HMCN1: variants seen among roughly 807,000 people sequenced by gnomAD.
The protein encoded by HMCN1 is hemicentin-1.
In HMCN1, 321 loss-of-function variants were observed where a neutral mutation model predicts 625.9. The ratio of observed to expected loss-of-function variants is 0.51; its 90% CI spans 0.47 to 0.56. The LOEUF (loss-of-function observed/expected upper bound fraction) is 0.56. HMCN1 is among the 20% of genes least tolerant of loss of function. The probability of loss-of-function intolerance (pLI) is 0.00; values close to 1 mark genes in which losing one functional copy is unlikely to be tolerated. For missense variants in HMCN1, 6,588 were observed against 6,887.3 expected, an observed-to-expected ratio of 0.96 and a Z score of 1.54; for synonymous variants, 2,425 against 2,417.6, an observed-to-expected ratio of 1.00 and a Z score of -0.09.
rs1230644774 is a variant in HMCN1, at chr1:186,055,448, A to G, written c.6918A>G (p.Arg2306=). The G allele has an allele frequency of 1.9e-6, 3 of 1,612,718 alleles. No individual in the cohort carries two copies. Among genetic ancestry groups the G allele is most frequent in the East Asian group, 2.2e-5 (1 of 44,798 alleles). The change falls in exon 45 of 107, where the codon CGA becomes CGG. Residue 2306 remains arginine, a synonymous_variant. Coordinates refer to ENST00000271588, the MANE Select transcript of HMCN1 (RefSeq NM_031935.3). ...GSHPTEIIVT[R]GKSISLECEV... is the part of the protein sequence containing the mutation. ...ACCCTACTGAAATTATTGTGACCCG[A>G]GGGAAGAGTATCTCCTTGGAGTGTG... is the stretch of plus-strand genomic sequence containing the variant.
At chr1:186,061,259 A>G (rs1475770920) in intron 46 of HMCN1, among the ~76,000 whole-genome samples, 1 of 152,172 alleles carries the variant, frequency 6.6e-6, no homozygotes, top group Non-Finnish European at 1.5e-5. Flanking sequence ...GAAACTTAAA[A>G]TTATGGCAGA....
chr1:185,925,235 T>C (rs768099085), intron 9 of HMCN1, 44 bp downstream of exon 9: 2 of 1,555,904 alleles, frequency 1.3e-6, no homozygotes, highest in Non-Finnish European at 1.8e-6. Context: ...GCATTTAACA[T>C]GTAAATATAA....
intron 1 of HMCN1, among the ~76,000 whole-genome samples, chr1:185,803,735 A>G (rs1571375808): frequency 1.3e-5 from 2 of 152,140 alleles, no homozygotes; most frequent in East Asian, 3.9e-4. Flanking sequence ...TTTCTTTTTG[A>G]TTTCTGTTAA....
At position 186,093,501 on chromosome 1, in the gene HMCN1, G is replaced by A. The variant is rs1300928126; in HGVS notation, c.10028G>A (p.Arg3343Lys). The change falls in exon 66 of 107, where the codon AGG becomes AAG. Residue 3343 changes from arginine to lysine, a missense_variant. Around this residue, in one of 3 missense-constraint regions of HMCN1, gnomAD observed 4,628 missense variants for 4,853.1 expected, o/e 0.95. Transcript: ENST00000271588. ...NLNVYVTPTIRGNKDEAEKLM... is the reference protein window; with the variant it reads ...NLNVYVTPTIKGNKDEAEKLM... ...CACAACATAGTTACACCTACAATTA[G>A]GGGTAATAAAGATGAAGCAGAGAAA... is the stretch of plus-strand genomic sequence containing the variant. The A allele has an allele frequency of 3.1e-6, 5 of 1,613,254 alleles. No homozygotes were observed. The highest frequency in any genetic ancestry group is 4.2e-6 in the Non-Finnish European group (5 of 1,179,502).
At chr1:185,757,332 C>T (rs1655197184) in intron 1 of HMCN1, among the ~76,000 whole-genome samples, 3 of 152,144 alleles carry the variant, frequency 2.0e-5, no homozygotes, top group Admixed American at 1.3e-4. Flanking sequence ...GTGATCTGGC[C>T]CGATCGCCTC....
At chr1:186,164,226 C>A (rs1651719983) in intron 97 of HMCN1, among the ~76,000 whole-genome samples, 1 of 148,884 alleles carries the variant, frequency 6.7e-6, no homozygotes, top group Non-Finnish European at 1.5e-5. Context: ...TTGTTTCTGA[C>A]ATCTAACTTA....
intron 81 of HMCN1, 103 bp downstream of exon 81, chr1:186,123,323 A>C (rs1661487360): frequency 4.9e-5 from 66 of 1,335,770 alleles, no homozygotes; most frequent in Non-Finnish European, 6.3e-5. Context: ...CCTTAAACTC[A>C]GTAATCCAAA....
At chr1:186,147,432 G>T (rs1397769347) in intron 93 of HMCN1, among the ~76,000 whole-genome samples, 4 of 144,138 alleles carry the variant, frequency 2.8e-5, no homozygotes, top group African/African-American at 2.6e-5. Context: ...TTTAATTCGT[G>T]GCAAACAAAT....
chr1:186,136,864 T>TA lies in HMCN1; in HGVS notation c.13510dup (p.Thr4504AsnfsTer3). Reference sequence around the variant, plus strand: ...ATATTGCTGATGCTCAGAAAGAAGATACCTCTGAATTTGAATGTGTTGCTC... The same window carrying TA: ...ATATTGCTGATGCTCAGAAAGAAGATAACCTCTGAATTTGAATGTGTTGCTC... On this transcript the variant is annotated frameshift_variant, in exon 87 of 107. Coordinates refer to ENST00000271588, the MANE Select transcript of HMCN1 (RefSeq NM_031935.3). LOFTEE classifies it high-confidence loss of function. 6.2e-7 allele frequency: 1 copy of TA among 1,614,060 alleles called. No individual in the cohort carries two copies. The highest frequency in any genetic ancestry group is 1.1e-5 in the South Asian group (1 of 91,084).
chr1:186,152,524 C>T (rs1043399041), intron 95 of HMCN1, among the ~76,000 whole-genome samples: 2 of 152,176 alleles, frequency 1.3e-5, no homozygotes, highest in African/African-American at 4.8e-5. Flanking sequence ...TTCGTGTAAC[C>T]GTTTGCCACA....
At chr1:185,917,730 T>C (rs1571556322) in intron 6 of HMCN1, among the ~76,000 whole-genome samples, 1 of 152,222 alleles carries the variant, frequency 6.6e-6, no homozygotes, top group South Asian at 2.1e-4. Context: ...GGACTTTCAA[T>C]GTAGGCAGGC....
chr1:185,872,537 C>T (rs1663684105), intron 4 of HMCN1, among the ~76,000 whole-genome samples: 1 of 152,044 alleles, frequency 6.6e-6, no homozygotes, highest in African/African-American at 2.4e-5. Flanking sequence ...TAATATTTCT[C>T]ACAAATGTTG....
chr1:186,064,871 AAATG>A (rs1467256798), intron 48 of HMCN1, among the ~76,000 whole-genome samples: 1 of 151,954 alleles, frequency 6.6e-6, no homozygotes, highest in African/African-American at 2.4e-5. Context: ...GTTTTAATAA[AAATG>A]AATGCTGCAT....
At chr1:186,162,807 G>A (rs561621274) in intron 97 of HMCN1, among the ~76,000 whole-genome samples, 4 of 152,160 alleles carry the variant, frequency 2.6e-5, no homozygotes, top group African/African-American at 7.2e-5. Context: ...GCCCTGTGAG[G>A]TGTCAGTCTG....
rs541415926 is a variant in HMCN1, at chr1:186,163,398, C to T, written c.15257-1713C>T. Among the ~76,000 whole-genome samples, 76 of 152,196 alleles carry T rather than the reference C, an allele frequency of 5.0e-4. 1 individual carries two copies. The highest frequency in any genetic ancestry group is 8.5e-4 in the Non-Finnish European group (58 of 67,992). ...GCCTCACCCTGCTTCGGCTCACGCA[C>T]GGTGCGCTGCACCCACTGACCTGCA... On this transcript the variant is annotated intron_variant, in intron 97 of 106. Coordinates refer to ENST00000271588, the MANE Select transcript of HMCN1 (RefSeq NM_031935.3).
chr1:185,787,878 A>G (rs974780806), intron 1 of HMCN1, among the ~76,000 whole-genome samples: 21 of 152,198 alleles, frequency 1.4e-4, no homozygotes, highest in African/African-American at 5.1e-4. Context: ...AGATAACTTA[A>G]TAAAGGTCAA....
intron 78 of HMCN1, 152 bp downstream of exon 78, chr1:186,119,450 T>C: frequency 2.7e-6 from 2 of 732,654 alleles, no homozygotes; most frequent in Non-Finnish European, 4.8e-6. Flanking sequence ...TTTAATAGGC[T>C]AAAAAAGGCA....
At position 186,053,932 on chromosome 1, in the gene HMCN1, G is replaced by C; in HGVS notation, c.6808G>C (p.Val2270Leu). 1 of 1,612,792 alleles carries C rather than the reference G, an allele frequency of 6.2e-7. No individual in the cohort carries two copies. The highest frequency in any genetic ancestry group is 8.5e-7 in the Non-Finnish European group (1 of 1,179,236). ...GTCTGATGCAGCACTCTATTCATGT[G>C]TGGCGTCGAATGTTGCTGGGACTGC... The part of the protein sequence containing the change: ...EKSDAALYSC[V>L]ASNVAGTAKK... The change falls in exon 44 of 107, where the codon GTG becomes CTG. Residue 2270 changes from valine to leucine, a missense_variant. Transcript: ENST00000271588.
chr1:186,173,640 C>CAAAAAA (rs762258823), intron 102 of HMCN1, among the ~76,000 whole-genome samples: 3,740 of 74,302 alleles, frequency 0.05, 130 homozygotes, highest in South Asian at 0.089. Context: ...GACTCCATCT[C>CAAAAAA]AAAAAAAAAA....
Sources: allele counts gnomAD v4.1 joint callset (sites outside exome capture counted in the v4.1 genomes callset), GRCh38; gene constraint gnomAD v4.1.1; regional missense constraint gnomAD v4.1.1; transcripts MANE v1.5; gene names NCBI Gene and HGNC (gene_info 2026-07-23, HGNC 2026-07-21).